NFATC2: variants seen among roughly 807,000 people sequenced by gnomAD.
The protein encoded by NFATC2 is nuclear factor of activated T cells 2, also known as nuclear factor of activated T-cells, cytoplasmic 2.
NFATC2 carries 22 observed loss-of-function variants against 87.3 expected under a neutral mutation model. The ratio of observed to expected loss-of-function variants is 0.25; its 90% CI spans 0.18 to 0.36. The LOEUF (loss-of-function observed/expected upper bound fraction) is 0.36, where lower values mean the gene tolerates loss of function less well. NFATC2 is among the 10% of genes least tolerant of loss of function. The pLI, the probability that NFATC2 is intolerant of heterozygous loss-of-function variation, is 1.00. For missense variants in NFATC2, 1,149 were observed against 1,259.1 expected (o/e 0.91, Z 1.32); for synonymous variants, 565 against 542.2 (o/e 1.04, Z -0.58).
chr20:51,527,999 G>A (rs1052312408), intron 1 of NFATC2, among the ~76,000 whole-genome samples: 2 of 149,804 alleles, frequency 1.3e-5, no homozygotes, highest in African/African-American at 2.5e-5. Context: ...AGCCACTGGA[G>A]AAGCTGAGGT....
intron 1 of NFATC2, among the ~76,000 whole-genome samples, chr20:51,528,152 T>C (rs1315608976): frequency 6.6e-6 from 1 of 151,676 alleles, no homozygotes; most frequent in Admixed American, 6.6e-5. Flanking sequence ...GACCTGTGTA[T>C]GCTTAAGATT....
At chr20:51,514,084 A>G (rs2076314169) in intron 3 of NFATC2, among the ~76,000 whole-genome samples, 1 of 152,274 alleles carries the variant, frequency 6.6e-6, no homozygotes, top group African/African-American at 2.4e-5. Context: ...ACACATATGC[A>G]GCACTTGGAA....
intron 5 of NFATC2, among the ~76,000 whole-genome samples, chr20:51,458,511 T>C (rs77296488): frequency 1.3e-5 from 2 of 150,584 alleles, no homozygotes; most frequent in African/African-American, 4.9e-5. Context: ...AAAAAAAAAA[T>C]CTTCAAGCCA....
chr20:51,392,238 C>T (rs1341191102), intron 10 of NFATC2, among the ~76,000 whole-genome samples: 1 of 152,226 alleles, frequency 6.6e-6, no homozygotes, highest in African/African-American at 2.4e-5. Flanking sequence ...CAAAGACTGA[C>T]TAGCCATCAA....
chr20:51,461,779 G>A (rs1336042697), intron 5 of NFATC2, among the ~76,000 whole-genome samples: 1 of 152,232 alleles, frequency 6.6e-6, no homozygotes, highest in Admixed American at 6.5e-5. Flanking sequence ...AGGAGAGACT[G>A]GTTAGAGAAA....
At chr20:51,505,525 T>C (rs888018084) in intron 3 of NFATC2, among the ~76,000 whole-genome samples, 2 of 152,022 alleles carry the variant, frequency 1.3e-5, no homozygotes, top group Non-Finnish European at 2.9e-5. Context: ...TGTATACATA[T>C]ACACATGCAT....
chr20:51,493,388 T>C (rs1406502517), intron 3 of NFATC2, among the ~76,000 whole-genome samples: 1 of 152,192 alleles, frequency 6.6e-6, no homozygotes. Flanking sequence ...GTTATGGGCA[T>C]AGAATGGGGA....
chr20:51,398,663 A>C lies in NFATC2; in HGVS notation c.*24T>G. On this transcript the variant is annotated 3_prime_UTR_variant, in exon 10 of 11. Coordinates refer to ENST00000371564, the MANE Select transcript of NFATC2 (RefSeq NM_012340.5). ...ATTACCTTTAACTTTGATTTCTCGG[A>C]TCAAAGATCACAGTCATTCTGTTTC... 6.2e-7 allele frequency: 1 copy of C among 1,610,738 alleles called. No homozygotes were observed. Among genetic ancestry groups the C allele is most frequent in the Non-Finnish European group, 8.5e-7 (1 of 1,177,952 alleles).
At chr20:51,531,209 G>C (rs1983632) in intron 1 of NFATC2, among the ~76,000 whole-genome samples, 124,218 of 152,206 alleles carry the variant, frequency 0.82, 51,054 homozygotes, top group African/African-American at 0.9. Flanking sequence ...CCTGGCTTTA[G>C]AGCCCCAGCA....
Position 51,551,854 on chromosome 20 carries a change from A to C in NFATC2, c.70+10706T>G, listed in dbSNP as rs573209222. 4.7e-3 allele frequency among the ~76,000 whole-genome samples: 713 copies of C among 150,784 alleles called. 4 individuals carry two copies. The highest frequency in any genetic ancestry group is 6.5e-3 in the Non-Finnish European group (440 of 67,758). ...CATCCTGGCTAACATGGTGAAACCCAATCTCTACTAAAAATACAAAAAGTT... is the reference window on the plus strand; with the variant it reads ...CATCCTGGCTAACATGGTGAAACCCCATCTCTACTAAAAATACAAAAAGTT... On this transcript the variant is annotated intron_variant, in intron 1 of 10. Coordinates refer to the NFATC2 transcript ENST00000414705.
At position 51,504,999 on chromosome 20, in the gene NFATC2, C is replaced by CTTTTTTTT. The variant is rs34489487; in HGVS notation, c.1332+11777_1332+11784dup. 1.4e-4 allele frequency among the ~76,000 whole-genome samples: 10 copies of CTTTTTTTT among 72,506 alleles called. 2 individuals are homozygous for CTTTTTTTT. The East Asian group carries it at 1.6e-3, about 12-fold the overall frequency. 47.6% of individuals were successfully genotyped at this position (72,506 alleles called of 152,430 possible). A position where few individuals can be genotyped will look rare whatever the true frequency, so the allele number is the denominator to read the frequency against. ...GGTCATGAAGAGTGCTATCTAGTTCCTTTTTTTTTTTTTTTTTTTTTTTTT... is the reference window on the plus strand; with the variant it reads ...GGTCATGAAGAGTGCTATCTAGTTCCTTTTTTTTTTTTTTTTTTTTTTTTTTTTTTTTT... On this transcript the variant is annotated intron_variant, in intron 3 of 10. Coordinates refer to ENST00000371564, the MANE Select transcript of NFATC2 (RefSeq NM_012340.5).
chr20:51,518,472 C>T (rs11698451), intron 2 of NFATC2, among the ~76,000 whole-genome samples: 6,197 of 152,300 alleles, frequency 0.041, 155 homozygotes, highest in South Asian at 0.073. Context: ...AACTTATAAT[C>T]ATATCCTCCC....
chr20:51,505,380 T>C (rs2076161608), intron 3 of NFATC2, among the ~76,000 whole-genome samples: 1 of 151,762 alleles, frequency 6.6e-6, no homozygotes, highest in South Asian at 2.1e-4. Flanking sequence ...AGTAAAATAA[T>C]TGAATAAAAA....
intron 2 of NFATC2, among the ~76,000 whole-genome samples, chr20:51,519,774 G>C (rs1251407353): frequency 6.8e-6 from 1 of 147,334 alleles, no homozygotes; most frequent in Non-Finnish European, 1.5e-5. Context: ...AAAAAAGCCA[G>C]GTGTGGTGGC....
intron 7 of NFATC2, 125 bp from the exon 8 acceptor site, chr20:51,435,439 G>A: frequency 1.5e-6 from 2 of 1,378,010 alleles, no homozygotes; most frequent in Admixed American, 2.2e-5. Flanking sequence ...CGGTTTACAG[G>A]GGAAGTTCAA....
intron 3 of NFATC2, among the ~76,000 whole-genome samples, chr20:51,485,455 G>T (rs776832303): frequency 1.3e-5 from 2 of 152,146 alleles, no homozygotes; most frequent in Non-Finnish European, 2.9e-5. Context: ...TCATATAGGA[G>T]CTGGGTCTGG....
At position 51,432,038 on chromosome 20, in the gene NFATC2, C is replaced by A. The variant is rs752647595; in HGVS notation, c.2722+29G>T. 2 of 1,510,320 alleles carry A rather than the reference C, an allele frequency of 1.3e-6. No homozygotes were observed. Among genetic ancestry groups the A allele is most frequent in the African/African-American group, 1.4e-5 (1 of 71,738 alleles). The allele number at this position is 1,510,320 out of a possible 1,614,324, so 93.6% of individuals were successfully genotyped here. A position where few individuals can be genotyped will look rare whatever the true frequency, so the allele number is the denominator to read the frequency against. On this transcript the variant is annotated intron_variant, in intron 9 of 10. Transcript: ENST00000371564. The surrounding 1 kb of genome is among the most constrained non-coding windows in gnomAD (Gnocchi z 4.6). ...GAGATGCTTCAGGGCACCATCCTTA[C>A]AGGCAGTGACAAAACTCAAGCGTCT...
intron 3 of NFATC2, among the ~76,000 whole-genome samples, chr20:51,506,595 A>T (rs994753468): frequency 6.6e-6 from 1 of 150,378 alleles, no homozygotes; most frequent in African/African-American, 2.4e-5. Flanking sequence ...TCATGGGACT[A>T]AATTAGAAAA....
chr20:51,552,199 C>T (rs370396761), intron 1 of NFATC2, among the ~76,000 whole-genome samples: 1 of 152,136 alleles, frequency 6.6e-6, no homozygotes, highest in East Asian at 1.9e-4. Context: ...ATGGCTTGAG[C>T]CCAGGAGGCT....
Sources: allele counts gnomAD v4.1 joint callset (sites outside exome capture counted in the v4.1 genomes callset), GRCh38; gene constraint gnomAD v4.1.1; non-coding constraint Gnocchi (gnomAD v3.1); transcripts MANE v1.5; gene names NCBI Gene and HGNC (gene_info 2026-07-23, HGNC 2026-07-21).